The following AFG1L variants were observed in gnomAD, a reference collection of about 807,000 sequenced individuals.
The protein encoded by AFG1L is AFG1-like ATPase.
AFG1L carries 53 observed loss-of-function variants against 62.2 expected under a neutral mutation model. The ratio of observed to expected loss-of-function variants is 0.85; its 90% CI spans 0.68 to 1.07. The LOEUF (loss-of-function observed/expected upper bound fraction) is 1.07, where lower values mean the gene tolerates loss of function less well. Among genes scored for constraint, AFG1L ranks in the 50% least tolerant of loss-of-function variants. The probability of loss-of-function intolerance (pLI) is 0.00; values close to 1 mark genes in which losing one functional copy is unlikely to be tolerated. For synonymous variants in AFG1L, 228 were observed against 210.3 expected, an observed-to-expected ratio of 1.08 and a Z score of -0.73; for missense variants, 555 against 590.5, an observed-to-expected ratio of 0.94 and a Z score of 0.62.
At chr6:108,499,707 C>T (rs1341493321) in intron 10 of AFG1L, among the ~76,000 whole-genome samples, 1 of 151,754 alleles carries the variant, frequency 6.6e-6, no homozygotes, top group Non-Finnish European at 1.5e-5. Flanking sequence ...GCTGAGATCA[C>T]GCCACTGCAC....
intron 5 of AFG1L, among the ~76,000 whole-genome samples, chr6:108,361,749 A>G (rs1328914964): frequency 6.6e-6 from 1 of 152,094 alleles, no homozygotes; most frequent in Non-Finnish European, 1.5e-5. Context: ...ATTTCATCAT[A>G]TCTTTGCTCA....
rs1254472367 is a variant in AFG1L, at chr6:108,429,325, C to T, written c.808-17889C>T. ...CACAATCATGGCTGAAGGCGAATGA[C>T]GAGCAAAGTCATATTTTACATGGTG... On this transcript the variant is annotated intron_variant, in intron 7 of 12. Coordinates refer to ENST00000368977, the MANE Select transcript of AFG1L (RefSeq NM_145315.5). Among the ~76,000 whole-genome samples the T allele has an allele frequency of 2.0e-5, 3 of 152,230 alleles. No individual in the cohort carries two copies. The South Asian group carries it at 6.2e-4, about 32-fold the overall frequency.
At chr6:108,361,420 A>G (rs1348212093) in intron 5 of AFG1L, among the ~76,000 whole-genome samples, 2 of 152,236 alleles carry the variant, frequency 1.3e-5, no homozygotes, top group Non-Finnish European at 2.9e-5. Flanking sequence ...GTCTCTGGTC[A>G]CAGGAAGCAG....
At chr6:108,328,573 T>C (rs1778149147) in intron 2 of AFG1L, among the ~76,000 whole-genome samples, 1 of 151,832 alleles carries the variant, frequency 6.6e-6, no homozygotes, top group South Asian at 2.1e-4. Context: ...TTTTTGTATT[T>C]TTTTTTTTTA....
intron 7 of AFG1L, among the ~76,000 whole-genome samples, chr6:108,410,295 ACT>A: frequency 6.6e-6 from 1 of 150,868 alleles, no homozygotes; most frequent in South Asian, 2.1e-4. Context: ...CAAGAGCGAG[ACT>A]CTGTCTTCCA....
chr6:108,497,359 T>C (rs1266849975), intron 10 of AFG1L, among the ~76,000 whole-genome samples: 1 of 152,226 alleles, frequency 6.6e-6, no homozygotes, highest in African/African-American at 2.4e-5. Context: ...TTCATTTGTT[T>C]ATTAGCCTCT....
intron 7 of AFG1L, among the ~76,000 whole-genome samples, chr6:108,423,525 T>A (rs1770689145): frequency 6.6e-6 from 1 of 152,078 alleles, no homozygotes; most frequent in Non-Finnish European, 1.5e-5. Flanking sequence ...GTGAATTTAG[T>A]TTTTCTGTAT....
chr6:108,332,535 GC>G (rs1778312727), intron 2 of AFG1L, among the ~76,000 whole-genome samples: 1 of 152,174 alleles, frequency 6.6e-6, no homozygotes, highest in South Asian at 2.1e-4. Context: ...AGAAATAAAT[GC>G]CCTAAATTTA....
chr6:108,409,440 C>G (rs185501198), intron 7 of AFG1L, among the ~76,000 whole-genome samples: 4 of 152,040 alleles, frequency 2.6e-5, no homozygotes, highest in Non-Finnish European at 5.9e-5. Context: ...ATGGCAGGCA[C>G]AGGGAGGAAG....
intron 7 of AFG1L, among the ~76,000 whole-genome samples, chr6:108,413,101 A>AG (rs773622907): frequency 1.4e-4 from 22 of 152,182 alleles, no homozygotes; most frequent in Non-Finnish European, 2.9e-4. Flanking sequence ...ACAAAAAAAA[A>AG]GCAGGGGTTG....
intron 6 of AFG1L, among the ~76,000 whole-genome samples, chr6:108,374,628 A>G (rs187511396): frequency 1.6e-3 from 241 of 152,322 alleles, no homozygotes; most frequent in African/African-American, 4.8e-3. Context: ...TTTGTTGAAT[A>G]TCAAATGGCT....
At chr6:108,410,443 A>T (rs990154755) in intron 7 of AFG1L, among the ~76,000 whole-genome samples, 1 of 152,208 alleles carries the variant, frequency 6.6e-6, no homozygotes, top group East Asian at 1.9e-4. Flanking sequence ...GTAAACTGCA[A>T]GTAGATACTA....
At chr6:108,475,725 A>G (rs548517521) in intron 8 of AFG1L, among the ~76,000 whole-genome samples, 6 of 152,200 alleles carry the variant, frequency 3.9e-5, no homozygotes, top group Non-Finnish European at 7.4e-5. Flanking sequence ...GACAATTTCA[A>G]ACTTTTCATA....
chr6:108,488,031 T>C (rs989292154), intron 10 of AFG1L, among the ~76,000 whole-genome samples: 1 of 152,222 alleles, frequency 6.6e-6, no homozygotes, highest in African/African-American at 2.4e-5. Flanking sequence ...ACATGTCCAG[T>C]GGACCAGCAA....
chr6:108,465,838 TTTTAA>T (rs1242506734), intron 8 of AFG1L, among the ~76,000 whole-genome samples: 3 of 152,298 alleles, frequency 2.0e-5, no homozygotes, highest in South Asian at 4.1e-4. Flanking sequence ...TAATTAGTTC[TTTTAA>T]TTTAATTTAA....
chr6:108,399,056 A>G (rs1271347015), intron 6 of AFG1L, among the ~76,000 whole-genome samples: 2 of 151,874 alleles, frequency 1.3e-5, no homozygotes, highest in East Asian at 1.9e-4. Context: ...CATTTTAACA[A>G]TATTGATTCT....
intron 2 of AFG1L, among the ~76,000 whole-genome samples, chr6:108,345,013 A>C (rs1208534799): frequency 6.6e-6 from 1 of 151,774 alleles, no homozygotes; most frequent in East Asian, 1.9e-4. Context: ...GGCCCTCTAC[A>C]TTTCCCAGAG....
At chr6:108,339,560 A>G (rs1300317217) in intron 2 of AFG1L, among the ~76,000 whole-genome samples, 1 of 151,188 alleles carries the variant, frequency 6.6e-6, no homozygotes, top group Non-Finnish European at 1.5e-5. Context: ...ACCAGGTTCA[A>G]GTGATTCTCC....
At chr6:108,302,371 G>T (rs1051345774) in intron 1 of AFG1L, among the ~76,000 whole-genome samples, 13 of 152,174 alleles carry the variant, frequency 8.5e-5, no homozygotes, top group African/African-American at 3.1e-4. Flanking sequence ...CCTGACATTT[G>T]TATAAAGTGC....
Sources: gnomAD v4.1 joint callset for allele counts (sites outside exome capture counted in the v4.1 genomes callset) on GRCh38, gnomAD v4.1.1 for gene constraint, MANE v1.5 for transcripts, NCBI Gene and HGNC (gene_info 2026-07-23, HGNC 2026-07-21) for gene names.